Variants in BRD2 observed in about 807,000 individuals in gnomAD.
BRD2 encodes the protein bromodomain containing 2, also known as bromodomain-containing protein 2.
BRD2 carries 15 observed loss-of-function variants against 79.1 expected under a neutral mutation model. That is an observed-to-expected ratio of 0.19 (90% CI 0.13 to 0.29). The LOEUF is 0.29. Among genes scored for constraint, BRD2 ranks in the 10% least tolerant of loss-of-function variants. BRD2 has a pLI of 1.00. For synonymous variants in BRD2, 488 were observed against 358.6 expected, an observed-to-expected ratio of 1.36 and a Z score of -4.08; for missense variants, 1,053 against 991.3, an observed-to-expected ratio of 1.06 and a Z score of -0.84.
chr6:32,979,628 T>G (rs904098594), intron 10 of BRD2, 200 bp from the exon 11 acceptor site: 2 of 564,846 alleles, frequency 3.5e-6, no homozygotes, highest in Admixed American at 7.1e-5. Flanking sequence ...TTTAAAGACA[T>G]GTTATTGCCT....
intron 2 of BRD2, chr6:32,973,221 ACAG>A (rs1778268810): frequency 7.6e-6 from 11 of 1,450,076 alleles, no homozygotes; most frequent in South Asian, 1.3e-5. Flanking sequence ...GTGAGGTTGA[ACAG>A]CAGGTTTGGC....
intron 2 of BRD2, 107 bp downstream of exon 2, chr6:32,973,034 G>A (rs751685448): frequency 2.5e-6 from 4 of 1,611,330 alleles, no homozygotes; most frequent in Non-Finnish European, 1.7e-6. Context: ...CGCTGCTGTT[G>A]CGGCGCAGCT....
intron 3 of BRD2, chr6:32,975,068 C>T (rs1306067635): frequency 6.6e-7 from 1 of 1,518,706 alleles, no homozygotes; most frequent in Non-Finnish European, 8.8e-7. Flanking sequence ...AAATTCTTAG[C>T]TTCTTCCTTT....
In BRD2 at chr6:32,972,190, TCGG is replaced by T. The variant is rs1231161506; in HGVS notation, c.-703_-701del. The T allele has an allele frequency of 1.8e-6, 1 of 558,568 alleles. No individual in the cohort carries two copies. The highest frequency in any genetic ancestry group is 3.2e-6 in the Non-Finnish European group (1 of 307,740). The allele number at this position is 558,568 out of a possible 1,614,324, so 34.6% of individuals were successfully genotyped here. A position where few individuals can be genotyped will look rare whatever the true frequency, so the allele number is the denominator to read the frequency against. On this transcript the variant is annotated 5_prime_UTR_variant, in exon 2 of 13. Coordinates refer to ENST00000374825, the MANE Select transcript of BRD2 (RefSeq NM_005104.4). ...TATATATAAAGGGCTGGCGCGGGGC[TCGG>T]CGGCGCCATTTCGTGCTGGAGTGGA...
At chr6:32,970,313 T>C (rs1777829367) in intron 1 of BRD2, 1 of 152,368 alleles carries the variant, frequency 6.6e-6, no homozygotes, top group Admixed American at 6.5e-5. Flanking sequence ...GCCTGATCCC[T>C]GGCTGGGGGA....
chr6:32,971,284 A>C (rs1391233089), intron 1 of BRD2: 1 of 281,656 alleles, frequency 3.6e-6, no homozygotes, highest in African/African-American at 2.2e-5. Flanking sequence ...TTTTCGAACG[A>C]GCAGAAATGT....
At chr6:32,978,673 C>T (rs1187129627) in intron 10 of BRD2, 3 of 533,890 alleles carry the variant, frequency 5.6e-6, no homozygotes, top group Admixed American at 7.1e-5. Context: ...ACCATGCGCA[C>T]TTCACAGTAG....
Position 32,973,172 on chromosome 6 carries a change from T to C in BRD2, c.29+245T>C, listed in dbSNP as rs1385262516. The C allele has an allele frequency of 1.9e-6, 3 of 1,540,100 alleles. No individual in the cohort carries two copies. In the Admixed American group the frequency reaches 5.9e-5, roughly 30 times the overall value. ...TATTAATGCCGCCGTGGCCCAGTCT[T>C]AACCGAGTCAGGCAGAGCTAGTTTG... On this transcript the variant is annotated intron_variant, in intron 2 of 12. Transcript: ENST00000374825.
At chr6:32,975,564 G>A (rs978568278) in intron 4 of BRD2, 43 bp downstream of exon 4, 1 of 1,599,234 alleles carries the variant, frequency 6.3e-7, no homozygotes. Context: ...GGGAGAAACA[G>A]TAACTTCTAT....
intron 11 of BRD2, 31 bp downstream of exon 11, chr6:32,980,163 T>C (rs1328740241): frequency 6.3e-7 from 1 of 1,599,240 alleles, no homozygotes; most frequent in South Asian, 1.1e-5. Flanking sequence ...ATCTCATGGT[T>C]CTGAGGACAG....
intron 10 of BRD2, chr6:32,979,594 T>A (rs1417371832): frequency 6.5e-6 from 3 of 464,716 alleles, no homozygotes; most frequent in Non-Finnish European, 1.1e-5. Context: ...ATTTTTTCAT[T>A]AAGGTATGTA....
chr6:32,978,722 G>A (rs2127523519), intron 10 of BRD2: 1 of 356,842 alleles, frequency 2.8e-6, no homozygotes, highest in East Asian at 5.3e-5. Context: ...TTCTGCTGAT[G>A]TGACAGGCAG....
intron 1 of BRD2, 23 bp downstream of exon 1, chr6:32,969,079 CG>C: frequency 2.1e-6 from 1 of 480,292 alleles, no homozygotes; most frequent in Non-Finnish European, 3.8e-6. Context: ...CCTTGTGGGG[CG>C]GAGATGTCAG....
chr6:32,972,056 C>G lies in BRD2; in HGVS notation c.-843C>G, dbSNP rs531345300. 1.4e-6 allele frequency: 1 copy of G among 700,460 alleles called. No individual in the cohort carries two copies. Among genetic ancestry groups the G allele is most frequent in the South Asian group, 1.5e-5 (1 of 66,690 alleles). The allele number at this position is 700,460 out of a possible 1,614,324, so 43.4% of individuals were successfully genotyped here. A position where few individuals can be genotyped will look rare whatever the true frequency, so the allele number is the denominator to read the frequency against. Reference sequence around the variant, plus strand: ...CTCCCGCGGAGAGGTGTTCCTTCCCCTTCGACTCAGCTTCTTCACCCGCGT... The same window carrying G: ...CTCCCGCGGAGAGGTGTTCCTTCCCGTTCGACTCAGCTTCTTCACCCGCGT... On this transcript the variant is annotated 5_prime_UTR_variant, in exon 2 of 13. Coordinates refer to ENST00000374825, the MANE Select transcript of BRD2 (RefSeq NM_005104.4).
chr6:32,977,158 T>C (rs1325758037), intron 7 of BRD2: 9 of 1,332,122 alleles, frequency 6.8e-6, no homozygotes, highest in Non-Finnish European at 9.3e-6. Flanking sequence ...ATACTGTCTA[T>C]AATTAAGTAC....
Position 32,976,441 on chromosome 6 carries a change from C to T in BRD2, c.802C>T (p.Pro268Ser), listed in dbSNP as rs752511803. Residue 268 changes from proline (P) to serine (S), a missense_variant, in exon 6 of 13, where the codon CCT becomes TCT. Pro to Ser is a moderately conservative substitution (Grantham distance 74). Around this residue, in one of 5 missense-constraint regions of BRD2, gnomAD observed 413 missense variants for 335.1 expected, o/e 1.23. Coordinates refer to ENST00000374825, the MANE Select transcript of BRD2 (RefSeq NM_005104.4). ...GPPLLAVTAA[P>S]PAQPLAKKKG... ...CCCGCTCCTTGCTGTTACTGCAGCT[C>T]CTCCAGCCCAGCCCCTTGCCAAGGT... 7 of 1,610,914 alleles carry T rather than the reference C, an allele frequency of 4.3e-6. No individual in the cohort carries two copies. Among genetic ancestry groups the T allele is most frequent in the African/African-American group, 1.3e-5 (1 of 75,038 alleles).
Position 32,980,523 on chromosome 6 carries a change from T to C in BRD2, c.2269+59T>C, listed in dbSNP as rs542192012. The C allele has an allele frequency of 3.7e-6, 6 of 1,612,420 alleles. No individual in the cohort carries two copies. The East Asian group carries it at 6.7e-5, about 18-fold the overall frequency. On this transcript the variant is annotated intron_variant, in intron 12 of 12. Coordinates refer to ENST00000374825, the MANE Select transcript of BRD2 (RefSeq NM_005104.4). ...CTCCATCCTGCCTTCTTGACTGTCT[T>C]TTATTGACAAATGAAGATTCAGACT... is the stretch of plus-strand genomic sequence containing the variant.
At chr6:32,977,360 G>T in intron 7 of BRD2, 82 bp from the exon 8 acceptor site, 1 of 1,610,708 alleles carries the variant, frequency 6.2e-7, no homozygotes, top group Non-Finnish European at 8.5e-7. Context: ...TCAAGAGAGG[G>T]CTCTTCTTGT....
chr6:32,969,134 T>G, intron 1 of BRD2, 78 bp downstream of exon 1: 3 of 524,916 alleles, frequency 5.7e-6, no homozygotes, highest in Non-Finnish European at 6.9e-6. Flanking sequence ...GGGGGATTCT[T>G]GGGGTTCAGG....
Sources: gnomAD v4.1 joint callset for allele counts on GRCh38, gnomAD v4.1.1 for gene constraint, gnomAD v4.1.1 regional missense constraint, MANE v1.5 for transcripts, NCBI Gene and HGNC (gene_info 2026-07-23, HGNC 2026-07-21) for gene names.